SLC39A12: variants seen among roughly 807,000 people sequenced by gnomAD.
The protein encoded by SLC39A12 is zinc transporter ZIP12.
In SLC39A12, 63 loss-of-function variants were observed where a neutral mutation model predicts 71.1. The observed-to-expected ratio is 0.89, with a 90% CI of 0.72 to 1.09. The LOEUF is 1.09. Ranked by LOEUF, SLC39A12 falls within the 50% of genes least tolerant of loss-of-function variation. The pLI is 0.00. For missense variants in SLC39A12, 892 were observed against 812.6 expected, an observed-to-expected ratio of 1.10 and a Z score of -1.19; for synonymous variants, 351 against 301.3, an observed-to-expected ratio of 1.16 and a Z score of -1.71.
At chr10:17,984,168 C>G (rs202066002) in intron 6 of SLC39A12, among the ~76,000 whole-genome samples, 1 of 152,236 alleles carries the variant, frequency 6.6e-6, no homozygotes, top group Non-Finnish European at 1.5e-5. Flanking sequence ...CTTCATGGCA[C>G]TTATGCAGGG....
intron 3 of SLC39A12, among the ~76,000 whole-genome samples, chr10:17,962,905 C>T (rs1834728361): frequency 6.6e-6 from 1 of 152,048 alleles, no homozygotes; most frequent in African/African-American, 2.4e-5. Context: ...CCTATAATCC[C>T]AACACTTTGG....
intron 12 of SLC39A12, among the ~76,000 whole-genome samples, chr10:18,027,546 G>A (rs1037539818): frequency 2.6e-5 from 4 of 152,132 alleles, no homozygotes; most frequent in South Asian, 4.1e-4. Flanking sequence ...TGGGTCTTCC[G>A]GAATTTTAAA....
intron 10 of SLC39A12, among the ~76,000 whole-genome samples, chr10:17,997,918 C>T (rs1315832854): frequency 1.3e-5 from 2 of 152,162 alleles, no homozygotes; most frequent in African/African-American, 2.4e-5. Flanking sequence ...CTGCCAAGTA[C>T]ATGAATAGAG....
intron 2 of SLC39A12, among the ~76,000 whole-genome samples, chr10:17,953,958 C>T (rs1554847492): frequency 6.6e-6 from 1 of 152,166 alleles, no homozygotes; most frequent in Admixed American, 6.5e-5. Flanking sequence ...GTACTTTTTC[C>T]TGGCATGGTA....
intron 12 of SLC39A12, among the ~76,000 whole-genome samples, chr10:18,010,362 CAAATATTGTAGTTA>C (rs1302154955): frequency 6.6e-6 from 1 of 152,084 alleles, no homozygotes; most frequent in Non-Finnish European, 1.5e-5. Flanking sequence ...TTGTTTTCAA[CAAATATTGTAGTTA>C]AAATCAATGA....
intron 12 of SLC39A12, among the ~76,000 whole-genome samples, chr10:18,030,093 T>A (rs2497781): frequency 0.52 from 77,005 of 149,072 alleles, 20,633 homozygotes; most frequent in Non-Finnish European, 0.59. Context: ...GAAAAGCAGG[T>A]TTAGCTGGGT....
At chr10:17,952,237 A>G (rs11594574) in intron 1 of SLC39A12, among the ~76,000 whole-genome samples, 44,102 of 151,844 alleles carry the variant, frequency 0.29, 6,641 homozygotes, top group South Asian at 0.34. Context: ...ATCAACAGAA[A>G]GATAATTTTT....
intron 12 of SLC39A12, among the ~76,000 whole-genome samples, chr10:18,034,120 A>G (rs1475751545): frequency 2.6e-5 from 4 of 151,956 alleles, no homozygotes; most frequent in Non-Finnish European, 4.4e-5. Context: ...AAAAAAATGT[A>G]TATTCTGTTG....
chr10:18,027,379 G>C (rs938644852), intron 12 of SLC39A12, among the ~76,000 whole-genome samples: 3 of 152,234 alleles, frequency 2.0e-5, no homozygotes, highest in African/African-American at 4.8e-5. Context: ...CCTGAGGGAA[G>C]ATCTTGTTAA....
intron 4 of SLC39A12, among the ~76,000 whole-genome samples, chr10:17,971,005 C>T (rs1365138086): frequency 6.6e-6 from 1 of 151,978 alleles, no homozygotes; most frequent in East Asian, 1.9e-4. Context: ...GGGTTTTTAT[C>T]ATGAAAGGAT....
chr10:18,017,905 G>T lies in SLC39A12; in HGVS notation c.1947+14547G>T, dbSNP rs1050953364. Among the ~76,000 whole-genome samples the T allele has an allele frequency of 7.9e-5, 12 of 152,230 alleles. 1 individual carries two copies. In the South Asian group the frequency reaches 2.5e-3, roughly 32 times the overall value. On this transcript the variant is annotated intron_variant, in intron 12 of 12. Coordinates refer to ENST00000377369, the MANE Select transcript of SLC39A12 (RefSeq NM_001145195.2). ...TCCATGTGAACTTTAATATCAGTTT[G>T]TTGATACCCATTAAATAACTTGCTG...
intron 12 of SLC39A12, among the ~76,000 whole-genome samples, chr10:18,027,892 T>TACAA (rs1836723439): frequency 6.6e-6 from 1 of 152,232 alleles, no homozygotes; most frequent in South Asian, 2.1e-4. Flanking sequence ...CTAAGCCATT[T>TACAA]ACAAATGGGC....
chr10:17,992,976 CA>C (rs1835592516), intron 8 of SLC39A12, among the ~76,000 whole-genome samples: 1 of 152,126 alleles, frequency 6.6e-6, no homozygotes, highest in Non-Finnish European at 1.5e-5. Flanking sequence ...AATAAAAAGA[CA>C]GTGTAAAAAC....
intron 12 of SLC39A12, among the ~76,000 whole-genome samples, chr10:18,021,956 C>T (rs542059451): frequency 6.6e-6 from 1 of 152,330 alleles, no homozygotes; most frequent in African/African-American, 2.4e-5. Flanking sequence ...ACAACATCTT[C>T]TGGCTTGTAG....
chr10:17,995,731 C>T lies in SLC39A12; in HGVS notation c.1600+9C>T, dbSNP rs765697021. On this transcript the variant is annotated intron_variant, in intron 10 of 12. Coordinates refer to ENST00000377369, the MANE Select transcript of SLC39A12 (RefSeq NM_001145195.2). ...AGCCTCCAACAGAAAATGTGAGTAC[C>T]AAGCTAAACTTTACATGTGGAAAGT... 6 of 1,607,086 alleles carry T rather than the reference C, an allele frequency of 3.7e-6. No individual in the cohort carries two copies. The highest frequency in any genetic ancestry group is 1.3e-5 in the African/African-American group (1 of 74,650).
At chr10:17,980,160 A>G (rs1028512229) in intron 5 of SLC39A12, among the ~76,000 whole-genome samples, 1 of 152,056 alleles carries the variant, frequency 6.6e-6, no homozygotes, top group Non-Finnish European at 1.5e-5. Context: ...GTGCCTTTCT[A>G]ATACAATTTC....
chr10:18,025,349 C>A (rs1162203635), intron 12 of SLC39A12, among the ~76,000 whole-genome samples: 1 of 152,066 alleles, frequency 6.6e-6, no homozygotes, highest in Non-Finnish European at 1.5e-5. Context: ...CGTCATTTAA[C>A]ATTAGGTGTA....
chr10:17,981,214 T>C, intron 5 of SLC39A12, 98 bp from the exon 6 acceptor site: 7 of 1,076,540 alleles, frequency 6.5e-6, no homozygotes, highest in Non-Finnish European at 8.0e-6. Context: ...GTGTTCTCGC[T>C]ATTCCATCTA....
At chr10:17,973,193 G>A (rs1209851814) in intron 4 of SLC39A12, among the ~76,000 whole-genome samples, 2 of 152,084 alleles carry the variant, frequency 1.3e-5, no homozygotes, top group African/African-American at 2.4e-5. Flanking sequence ...ACATTGTGCT[G>A]TCTATGTCTT....
Sources: gnomAD v4.1 joint callset for allele counts (sites outside exome capture counted in the v4.1 genomes callset) on GRCh38, gnomAD v4.1.1 for gene constraint, MANE v1.5 for transcripts, NCBI Gene and HGNC (gene_info 2026-07-23, HGNC 2026-07-21) for gene names.